SYT6: variants seen among roughly 807,000 people sequenced by gnomAD.
SYT6 encodes the protein synaptotagmin-6.
SYT6 carries 24 observed loss-of-function variants against 38.4 expected under a neutral mutation model. The ratio of observed to expected loss-of-function variants is 0.62; its 90% confidence interval spans 0.45 to 0.88. The LOEUF is 0.88. Among genes scored for constraint, SYT6 ranks in the 40% least tolerant of loss-of-function variants. The probability of loss-of-function intolerance (pLI) is 0.00; values close to 1 mark genes in which losing one functional copy is unlikely to be tolerated. For missense variants in SYT6, 611 were observed against 621.0 expected (o/e 0.98, Z 0.17); for synonymous variants, 265 against 241.9 (o/e 1.10, Z -0.89).
intron 5 of SYT6, 147 bp downstream of exon 5, chr1:114,098,947 C>A: frequency 1.3e-6 from 1 of 758,206 alleles, no homozygotes; most frequent in Non-Finnish European, 2.0e-6. Context: ...TCCTCAAACT[C>A]CTGCACCCTT....
chr1:114,130,869 G>A (rs1362814632), intron 3 of SYT6, among the ~76,000 whole-genome samples: 3 of 152,184 alleles, frequency 2.0e-5, no homozygotes, highest in Non-Finnish European at 4.4e-5. Flanking sequence ...CGAAGGCGTT[G>A]TCTCAAACTG....
chr1:114,139,941 T>C lies in SYT6; in HGVS notation c.186A>G (p.Ala62=), dbSNP rs1273865512. The C allele has an allele frequency of 1.3e-6, 2 of 1,510,002 alleles. No homozygotes were observed. The highest frequency in any genetic ancestry group is 1.8e-6 in the Non-Finnish European group (2 of 1,132,046). The allele number at this position is 1,510,002 out of a possible 1,614,324, so 93.5% of individuals were successfully genotyped here. A position where few individuals can be genotyped will look rare whatever the true frequency, so the allele number is the denominator to read the frequency against. The change falls in exon 2 of 8, where the codon GCA becomes GCG. Residue 62 remains alanine (A), a synonymous_variant. Transcript: ENST00000610222. ...AGAGTSVSLL[A]VVVIVCGVAL... is the part of the protein sequence containing the mutation. ...CCACGCCACACACAATAACTACAAC[T>C]GCGAGGAGGCTGACAGAGGTGCCTG...
At chr1:114,122,506 T>TGTGC (rs60780339) in intron 3 of SYT6, among the ~76,000 whole-genome samples, 10 of 147,286 alleles carry the variant, frequency 6.8e-5, no homozygotes, top group Non-Finnish European at 1.5e-4. Flanking sequence ...TGTGTGTGTG[T>TGTGC]GCGCGCACAT....
intron 3 of SYT6, among the ~76,000 whole-genome samples, chr1:114,132,669 C>T (rs1571879539): frequency 6.6e-6 from 1 of 152,302 alleles, no homozygotes; most frequent in East Asian, 1.9e-4. Context: ...CCAGTCAGAA[C>T]AGATGACCTG....
At chr1:114,129,564 T>TTTTCTTTC (rs58281086) in intron 3 of SYT6, among the ~76,000 whole-genome samples, 4,719 of 112,508 alleles carry the variant, frequency 0.042, 143 homozygotes, top group East Asian at 0.084. Context: ...TTTTTCTTTC[T>TTTTCTTTC]TTTCTTTCTT....
At chr1:114,115,777 C>T (rs879634665) in intron 3 of SYT6, among the ~76,000 whole-genome samples, 1 of 152,112 alleles carries the variant, frequency 6.6e-6, no homozygotes, top group Non-Finnish European at 1.5e-5. Context: ...ATAATCATCT[C>T]TACATTGTAC....
intron 6 of SYT6, among the ~76,000 whole-genome samples, chr1:114,095,198 T>C (rs1392111548): frequency 2.0e-5 from 3 of 152,218 alleles, no homozygotes; most frequent in Admixed American, 1.3e-4. Flanking sequence ...ATTTATTCTC[T>C]TTTTGTTTTC....
At chr1:114,125,519 G>T (rs1470660566) in intron 3 of SYT6, among the ~76,000 whole-genome samples, 1 of 151,504 alleles carries the variant, frequency 6.6e-6, no homozygotes, top group Non-Finnish European at 1.5e-5. Context: ...GACATGAGAG[G>T]AAAATGTGGC....
intron 1 of SYT6, among the ~76,000 whole-genome samples, chr1:114,142,399 A>G (rs11578626): frequency 0.074 from 11,308 of 152,316 alleles, 558 homozygotes; most frequent in Middle Eastern, 0.11. Context: ...TGAAGAATGG[A>G]TGAGGAGTTG....
intron 3 of SYT6, among the ~76,000 whole-genome samples, chr1:114,126,978 G>A (rs566125740): frequency 5.3e-5 from 8 of 152,306 alleles, no homozygotes; most frequent in Admixed American, 4.6e-4. Context: ...GCTTTGTAAG[G>A]CCATTTCTTC....
chr1:114,093,793 C>A lies in SYT6; in HGVS notation c.1526G>T (p.Arg509Leu), dbSNP rs200158005. Reference sequence around the variant, plus strand: ...GCATCCACGTGAATGAAATCACAACCGAGGGTTTCCCTGGTGAAATATTTT... The same window carrying A: ...GCATCCACGTGAATGAAATCACAACAGAGGGTTTCCCTGGTGAAATATTTT... ...VKKSFKEGNP[R>L]L The change falls in exon 7 of 8, where the codon CGG (arginine) becomes CTG (leucine). Residue 509 changes from arginine (R) to leucine (L), a missense_variant. Arg to Leu is a moderately radical substitution (Grantham distance 102). Coordinates refer to ENST00000610222, the MANE Select transcript of SYT6 (RefSeq NM_001253772.2). The A allele has an allele frequency of 1.3e-4, 209 of 1,614,036 alleles. 1 individual carries two copies. The East Asian group carries it at 4.4e-3, about 34-fold the overall frequency.
intron 3 of SYT6, among the ~76,000 whole-genome samples, chr1:114,112,686 C>T (rs1571845334): frequency 6.6e-6 from 1 of 152,240 alleles, no homozygotes; most frequent in African/African-American, 2.4e-5. Flanking sequence ...GAGCCGAGGA[C>T]CTCACTTCAG....
chr1:114,099,016 C>G lies in SYT6; in HGVS notation c.1364+78G>C, dbSNP rs960866108. ...AAAGCTGAGCCCTGAATCACAAGGT[C>G]TAAGGTCAAGGAGCCCTGTGCTGGT... is the stretch of plus-strand genomic sequence containing the variant. On this transcript the variant is annotated intron_variant, in intron 5 of 7. Transcript: ENST00000610222. The G allele has an allele frequency of 2.1e-6, 3 of 1,457,988 alleles. No individual in the cohort carries two copies. The African/African-American group carries it at 4.2e-5, about 21-fold the overall frequency. 90.3% of individuals were successfully genotyped at this position (1,457,988 alleles called of 1,614,324 possible).
intron 3 of SYT6, among the ~76,000 whole-genome samples, chr1:114,127,980 C>G (rs1039135931): frequency 9.2e-5 from 14 of 152,216 alleles, no homozygotes; most frequent in Non-Finnish European, 1.8e-4. Context: ...CCGGTGGCTT[C>G]TGACTCAGGT....
rs1263280869 is a variant in SYT6, at chr1:114,099,159, G to C, written c.1299C>G (p.Ile433Met). Residue 433 changes from isoleucine to methionine, a missense_variant, in exon 5 of 8, where the codon ATC becomes ATG. Physicochemically the swap from Ile to Met is conservative, Grantham distance 10 (BLOSUM62 1). Coordinates refer to ENST00000610222, the MANE Select transcript of SYT6 (RefSeq NM_001253772.2). ...CCATGTTTTCCGGGGGAATGTCAAA[G>C]ATGATGGCCTCATTGTAGACAGGAT... ...TLNPVYNEAI[I>M]FDIPPENMDQ... 1.9e-6 allele frequency: 3 copies of C among 1,614,184 alleles called. No individual in the cohort carries two copies. The South Asian group carries it at 3.3e-5, about 18-fold the overall frequency.
At chr1:114,122,506 T>TGTGTGCGC (rs60780339) in intron 3 of SYT6, among the ~76,000 whole-genome samples, 25 of 147,408 alleles carry the variant, frequency 1.7e-4, no homozygotes, top group African/African-American at 6.3e-4. Context: ...TGTGTGTGTG[T>TGTGTGCGC]GCGCGCACAT....
chr1:114,139,533 T>A lies in SYT6; in HGVS notation c.512+82A>T, dbSNP rs1394648394. The A allele has an allele frequency of 4.8e-5, 75 of 1,557,912 alleles. 1 individual carries two copies. In the Middle Eastern group the frequency reaches 6.1e-4, roughly 13 times the overall value. ...ATGTGTTATTATTTCTGGTCTGTGA[T>A]CCCCACAGGCTGGAATCCCATAGAT... On this transcript the variant is annotated intron_variant, in intron 2 of 7. Transcript: ENST00000610222.
chr1:114,142,297 G>A (rs1368171850), intron 1 of SYT6, among the ~76,000 whole-genome samples: 6 of 152,174 alleles, frequency 3.9e-5, no homozygotes, highest in Admixed American at 1.3e-4. Flanking sequence ...TCCAAACATC[G>A]TGAATGGCTT....
rs1368275403 is a variant in SYT6 at position 114,090,818 on chromosome 1, C to T, written c.*1316G>A. On this transcript the variant is annotated 3_prime_UTR_variant, in exon 8 of 8. Coordinates refer to ENST00000610222, the MANE Select transcript of SYT6 (RefSeq NM_001253772.2). Reference sequence around the variant, plus strand: ...TTAACTCAACAGAAATGTGCTATTACAACACAGAATAGTTCAAACAATTTT... The same window carrying T: ...TTAACTCAACAGAAATGTGCTATTATAACACAGAATAGTTCAAACAATTTT... 6.6e-6 allele frequency: 1 copy of T among 152,498 alleles called. No individual in the cohort carries two copies. The highest frequency in any genetic ancestry group is 1.9e-4 in the East Asian group (1 of 5,336). 9.4% of individuals were successfully genotyped at this position (152,498 alleles called of 1,614,324 possible). A position where few individuals can be genotyped will look rare whatever the true frequency, so the allele number is the denominator to read the frequency against.
Sources: allele counts gnomAD v4.1 joint callset (sites outside exome capture counted in the v4.1 genomes callset), GRCh38; gene constraint gnomAD v4.1.1; transcripts MANE v1.5; gene names NCBI Gene and HGNC (gene_info 2026-07-23, HGNC 2026-07-21).